FYB1: variants seen among roughly 807,000 people sequenced by gnomAD.
The protein encoded by FYB1 is FYN-binding protein 1.
A neutral mutation model predicts 94.1 loss-of-function variants in FYB1; 41 were observed. The observed-to-expected ratio is 0.44, with a 90% CI of 0.34 to 0.57. The LOEUF is 0.57. FYB1 is among the 20% of genes least tolerant of loss of function. FYB1 has a pLI of 0.02. For missense variants in FYB1, 1,050 were observed against 976.8 expected (o/e 1.07, Z -1.00); for synonymous variants, 367 against 353.2 (o/e 1.04, Z -0.44).
chr5:39,242,390 T>G lies in FYB1; in HGVS notation c.-28+32013A>C, dbSNP rs577753053. ...CACCTATGAGTGAGAACATGTGGTG[T>G]TTGGTTATTTGTCATTGTCATAATT... On this transcript the variant is annotated intron_variant, in intron 1 of 1. Coordinates refer to the FYB1 transcript ENST00000510188. 8.8e-3 allele frequency among the ~76,000 whole-genome samples: 1,333 copies of G among 151,296 alleles called. 13 individuals are homozygous for G. The highest frequency in any genetic ancestry group is 0.031 in the African/African-American group (1,266 of 41,266).
intron 13 of FYB1, among the ~76,000 whole-genome samples, chr5:39,122,954 T>C (rs573142378): frequency 6.6e-6 from 1 of 152,298 alleles, no homozygotes; most frequent in East Asian, 1.9e-4. Context: ...TTTAATTAAA[T>C]ACTTCTGTTA....
intron 2 of FYB1, among the ~76,000 whole-genome samples, chr5:39,171,926 A>G (rs1745281948): frequency 6.6e-6 from 1 of 152,178 alleles, no homozygotes; most frequent in Admixed American, 6.5e-5. Flanking sequence ...GTAATTGGAC[A>G]AACGAGGAAG....
chr5:39,208,156 C>T (rs552579223), intron 1 of FYB1, among the ~76,000 whole-genome samples: 1 of 152,036 alleles, frequency 6.6e-6, no homozygotes, highest in Non-Finnish European at 1.5e-5. Context: ...CTTTAAAATA[C>T]AAAAGAAACA....
At chr5:39,247,710 AC>A (rs1334453302) in intron 1 of FYB1, among the ~76,000 whole-genome samples, 1 of 151,926 alleles carries the variant, frequency 6.6e-6, no homozygotes, top group African/African-American at 2.4e-5. Flanking sequence ...TGAATATATT[AC>A]ATGGTGAAGT....
At chr5:39,133,392 A>G (rs1431570749) in intron 9 of FYB1, among the ~76,000 whole-genome samples, 1 of 152,166 alleles carries the variant, frequency 6.6e-6, no homozygotes, top group African/African-American at 2.4e-5. Context: ...TTATGGCTTT[A>G]AACTGAAAAC....
intron 1 of FYB1, among the ~76,000 whole-genome samples, chr5:39,268,560 ATG>A (rs1752533993): frequency 6.6e-6 from 1 of 151,792 alleles, no homozygotes; most frequent in Admixed American, 6.6e-5. Flanking sequence ...TTTGAGAAAT[ATG>A]TGTTATTTTT....
rs765449543 is a variant in FYB1 at position 39,256,453 on chromosome 5, T to C, written c.-28+17950A>G. Among the ~76,000 whole-genome samples the C allele has an allele frequency of 5.1e-4, 78 of 152,200 alleles. 1 individual carries two copies. The highest frequency in any genetic ancestry group is 8.7e-4 in the Non-Finnish European group (59 of 68,036). On this transcript the variant is annotated intron_variant, in intron 1 of 1. Coordinates refer to the FYB1 transcript ENST00000510188. Reference sequence around the variant, plus strand: ...TTACGTACGGGTTTTCATGCCGAATTAGCCATCAAGACATGGTTATCCTGG... The same window carrying C: ...TTACGTACGGGTTTTCATGCCGAATCAGCCATCAAGACATGGTTATCCTGG...
In FYB1 at chr5:39,167,306, TTTAAG is replaced by T. The variant is rs1744830364; in HGVS notation, c.1136-13707_1136-13703del. On this transcript the variant is annotated intron_variant, in intron 2 of 18. Coordinates refer to ENST00000512982, the MANE Select transcript of FYB1 (RefSeq NM_001465.6). The stretch of plus-strand genomic sequence containing the variant: ...CTCTCTCCCTTGTTTTTGTTTTTGT[TTTAAG>T]TTATTTTTTATTACACAAATAATAC... 2.0e-5 allele frequency among the ~76,000 whole-genome samples: 3 copies of T among 152,102 alleles called. No individual in the cohort carries two copies. In the South Asian group the frequency reaches 6.2e-4, roughly 32 times the overall value.
At chr5:39,174,835 A>G (rs1004063953) in intron 2 of FYB1, among the ~76,000 whole-genome samples, 1 of 152,192 alleles carries the variant, frequency 6.6e-6, no homozygotes, top group African/African-American at 2.4e-5. Context: ...GGTACATGTT[A>G]CTCTCTAAGA....
chr5:39,258,590 A>T (rs1256304900), intron 1 of FYB1, among the ~76,000 whole-genome samples: 2 of 152,074 alleles, frequency 1.3e-5, no homozygotes, highest in Admixed American at 1.3e-4. Context: ...ACAGAGCAAG[A>T]CCCTGTGTCA....
intron 3 of FYB1, among the ~76,000 whole-genome samples, chr5:39,152,200 C>G (rs1743308155): frequency 6.6e-6 from 1 of 152,192 alleles, no homozygotes; most frequent in African/African-American, 2.4e-5. Context: ...ATGCACAACG[C>G]AGGTCATATG....
chr5:39,116,628 A>G (rs1450760025), intron 16 of FYB1, among the ~76,000 whole-genome samples: 1 of 152,136 alleles, frequency 6.6e-6, no homozygotes, highest in African/African-American at 2.4e-5. Context: ...CTAGGAAGAT[A>G]AGAGTCTCTT....
At chr5:39,209,136 A>C (rs1292789429) in intron 1 of FYB1, among the ~76,000 whole-genome samples, 7 of 152,066 alleles carry the variant, frequency 4.6e-5, no homozygotes, top group African/African-American at 1.7e-4. Flanking sequence ...TCTTAATCTG[A>C]AAATAAACTT....
intron 2 of FYB1, among the ~76,000 whole-genome samples, chr5:39,161,905 C>A (rs894094722): frequency 1.3e-5 from 2 of 152,210 alleles, no homozygotes; most frequent in African/African-American, 4.8e-5. Context: ...TGGTTTCTTA[C>A]AGATTGGCTT....
chr5:39,142,644 C>T (rs946039156), intron 3 of FYB1, among the ~76,000 whole-genome samples: 1 of 152,212 alleles, frequency 6.6e-6, no homozygotes, highest in Non-Finnish European at 1.5e-5. Flanking sequence ...GAATTCTTCA[C>T]ATTACCACAA....
intron 2 of FYB1, among the ~76,000 whole-genome samples, chr5:39,182,864 T>C (rs976424464): frequency 6.6e-6 from 1 of 152,214 alleles, no homozygotes; most frequent in African/African-American, 2.4e-5. Flanking sequence ...TTTTCAGGTG[T>C]TTCAGAAAAA....
chr5:39,227,274 T>G (rs1494687), intron 1 of FYB1, among the ~76,000 whole-genome samples: 7,941 of 152,206 alleles, frequency 0.052, 274 homozygotes, highest in Non-Finnish European at 0.08. Flanking sequence ...AAAAAAAAGT[T>G]GATAAGATAA....
At position 39,135,017 on chromosome 5, in the gene FYB1, G is replaced by T; in HGVS notation, c.1516-3C>A. On this transcript the variant is annotated splice_polypyrimidine_tract_variant and splice_region_variant and intron_variant, in intron 7 of 18. Coordinates refer to ENST00000512982, the MANE Select transcript of FYB1 (RefSeq NM_001465.6). ...ATGACTTGAATAGGGCCTGTTAGCT[G>T]CAAAGAGAAAAAAATAGTCACAAAA... 6.2e-7 allele frequency: 1 copy of T among 1,606,300 alleles called. No homozygotes were observed. The highest frequency in any genetic ancestry group is 8.5e-7 in the Non-Finnish European group (1 of 1,177,228).
intron 1 of FYB1, among the ~76,000 whole-genome samples, chr5:39,272,738 T>G (rs1397931754): frequency 6.7e-6 from 1 of 149,476 alleles, no homozygotes; most frequent in Non-Finnish European, 1.5e-5. Context: ...TCTATACCAG[T>G]AAGTTGGACA....
Sources: gnomAD v4.1 joint callset for allele counts (sites outside exome capture counted in the v4.1 genomes callset) on GRCh38, gnomAD v4.1.1 for gene constraint, MANE v1.5 for transcripts, NCBI Gene and HGNC (gene_info 2026-07-23, HGNC 2026-07-21) for gene names.